The following RBFOX1 variants were observed in gnomAD, a reference collection of about 807,000 sequenced individuals.
RBFOX1 encodes the protein RNA binding fox-1 homolog 1.
Under a neutral mutation model 57.7 loss-of-function variants are expected in RBFOX1, and 8 were observed. The ratio of observed to expected loss-of-function variants is 0.14; its 90% CI spans 0.08 to 0.25. The LOEUF (loss-of-function observed/expected upper bound fraction) is 0.25. Among genes scored for constraint, RBFOX1 ranks in the 10% least tolerant of loss-of-function variants. RBFOX1 has a pLI of 1.00. For synonymous variants in RBFOX1, 326 were observed against 222.4 expected, an observed-to-expected ratio of 1.47 and a Z score of -4.15; for missense variants, 611 against 548.5, an observed-to-expected ratio of 1.11 and a Z score of -1.14.
chr16:6,991,342 A>G (rs2091416272), intron 3 of RBFOX1, among the ~76,000 whole-genome samples: 1 of 152,018 alleles, frequency 6.6e-6, no homozygotes, highest in African/African-American at 2.4e-5. Flanking sequence ...ATTTCAGCTA[A>G]TACATCTGTA....
At chr16:6,805,453 T>C (rs1296550610) in intron 3 of RBFOX1, among the ~76,000 whole-genome samples, 2 of 152,142 alleles carry the variant, frequency 1.3e-5, no homozygotes, top group Non-Finnish European at 2.9e-5. Context: ...GCTTAGTACC[T>C]GGGTGGTGAA....
chr16:5,999,900 AAAAAAAAGAG>A (rs60226331), intron 4 of RBFOX1, among the ~76,000 whole-genome samples: 2,385 of 45,072 alleles, frequency 0.053, 579 homozygotes, highest in East Asian at 0.072. Flanking sequence ...AAAAAAAAAA[AAAAAAAAGAG>A]TGAAGAAGGG....
intron 4 of RBFOX1, among the ~76,000 whole-genome samples, chr16:7,288,935 TTGTC>T (rs1350679312): frequency 6.6e-6 from 1 of 152,150 alleles, no homozygotes; most frequent in Non-Finnish European, 1.5e-5. Context: ...TTGGAATCGT[TTGTC>T]TGGTGAGAGG....
In RBFOX1 at chr16:7,493,265, G is replaced by A. The variant is rs1474390448; in HGVS notation, c.28-24882G>A. Reference sequence around the variant, plus strand: ...CTCAGTCAGACTGTCTACCTTTCAGGCGCTCAACAGCCACACGTGGCTAGA... The same window carrying A: ...CTCAGTCAGACTGTCTACCTTTCAGACGCTCAACAGCCACACGTGGCTAGA... On this transcript the variant is annotated intron_variant, in intron 4 of 15. Coordinates refer to ENST00000550418, the MANE Select transcript of RBFOX1 (RefSeq NM_018723.4). 3.9e-5 allele frequency among the ~76,000 whole-genome samples: 6 copies of A among 152,132 alleles called. 1 individual carries two copies. In the South Asian group the frequency reaches 1.0e-3, roughly 26 times the overall value.
chr16:5,628,014 T>G (rs1238694265), intron 3 of RBFOX1, among the ~76,000 whole-genome samples: 1 of 152,240 alleles, frequency 6.6e-6, no homozygotes, highest in Non-Finnish European at 1.5e-5. Context: ...AGGCCTCTTC[T>G]GCCATCAGAG....
At chr16:6,846,235 G>A (rs967211151) in intron 3 of RBFOX1, among the ~76,000 whole-genome samples, 4 of 152,202 alleles carry the variant, frequency 2.6e-5, no homozygotes, top group African/African-American at 9.6e-5. Context: ...TTCAGTCTGT[G>A]TGATAGCTTC....
intron 4 of RBFOX1, among the ~76,000 whole-genome samples, chr16:7,401,205 A>C (rs1305404333): frequency 1.3e-5 from 2 of 152,250 alleles, no homozygotes; most frequent in African/African-American, 4.8e-5. Context: ...TTCATCACAC[A>C]GTAGTTGGCG....
intron 2 of RBFOX1, among the ~76,000 whole-genome samples, chr16:5,580,688 G>A (rs555378876): frequency 2.6e-5 from 4 of 152,236 alleles, no homozygotes; most frequent in Admixed American, 6.5e-5. Flanking sequence ...TACCTTTCAC[G>A]GCATCTCACA....
intron 4 of RBFOX1, among the ~76,000 whole-genome samples, chr16:7,250,300 CT>C (rs1338880741): frequency 1.3e-5 from 2 of 152,072 alleles, no homozygotes; most frequent in Non-Finnish European, 2.9e-5. Flanking sequence ...GCTTTTTTTG[CT>C]GTTCCTGGGA....
At chr16:7,709,270 A>T in intron 15 of RBFOX1, 139 bp downstream of exon 15, 1 of 958,290 alleles carries the variant, frequency 1.0e-6, no homozygotes, top group Non-Finnish European at 1.5e-6. Context: ...CTAAAATGCC[A>T]CATTAATCCT....
At chr16:6,669,387 A>T (rs1302958388) in intron 3 of RBFOX1, among the ~76,000 whole-genome samples, 2 of 152,208 alleles carry the variant, frequency 1.3e-5, no homozygotes. Flanking sequence ...GCATAAAGCC[A>T]TAAAAACTGT....
At chr16:6,470,150 G>A (rs922465519) in intron 2 of RBFOX1, among the ~76,000 whole-genome samples, 1 of 152,140 alleles carries the variant, frequency 6.6e-6, no homozygotes, top group African/African-American at 2.4e-5. Flanking sequence ...TTTAGATACT[G>A]CCTCTAGTTG....
intron 3 of RBFOX1, among the ~76,000 whole-genome samples, chr16:5,741,250 G>A (rs536134595): frequency 5.5e-4 from 84 of 152,284 alleles, no homozygotes; most frequent in African/African-American, 1.8e-3. Context: ...AGAGCAATCA[G>A]TGGGGTCGCC....
At chr16:7,652,896 T>G (rs1246485696) in intron 11 of RBFOX1, among the ~76,000 whole-genome samples, 1 of 152,134 alleles carries the variant, frequency 6.6e-6, no homozygotes, top group African/African-American at 2.4e-5. Flanking sequence ...ATACTTCAAT[T>G]AGAAGTTTTA....
intron 4 of RBFOX1, among the ~76,000 whole-genome samples, chr16:7,160,757 C>T (rs937662632): frequency 4.6e-5 from 7 of 151,144 alleles, no homozygotes; most frequent in Non-Finnish European, 1.0e-4. Flanking sequence ...ATGTCTATTC[C>T]TCCTCCTCCT....
intron 1 of RBFOX1, among the ~76,000 whole-genome samples, chr16:6,023,126 C>T (rs1366047790): frequency 2.6e-5 from 4 of 152,010 alleles, no homozygotes; most frequent in South Asian, 2.1e-4. Flanking sequence ...TCTTGCTGTC[C>T]GTAGAACGTA....
intron 4 of RBFOX1, among the ~76,000 whole-genome samples, chr16:7,062,978 A>G (rs910096009): frequency 7.4e-6 from 1 of 134,814 alleles, no homozygotes; most frequent in African/African-American, 2.9e-5. Context: ...AAGAATCCCT[A>G]CTGATACACT....
intron 1 of RBFOX1, among the ~76,000 whole-genome samples, chr16:5,334,691 A>G (rs1351464763): frequency 2.0e-5 from 3 of 151,982 alleles, no homozygotes; most frequent in Middle Eastern, 3.4e-3. Context: ...ATACAAAACG[A>G]TTGTTCTCTT....
At chr16:6,407,673 C>T (rs989587207) in intron 2 of RBFOX1, among the ~76,000 whole-genome samples, 1 of 151,924 alleles carries the variant, frequency 6.6e-6, no homozygotes, top group East Asian at 1.9e-4. Flanking sequence ...CCAGGAGAGA[C>T]TTTCATTAAA....
Sources: allele counts gnomAD v4.1 joint callset (sites outside exome capture counted in the v4.1 genomes callset), GRCh38; gene constraint gnomAD v4.1.1; transcripts MANE v1.5; gene names NCBI Gene and HGNC (gene_info 2026-07-23, HGNC 2026-07-21).